Variants in ASCC3 observed in about 807,000 individuals in gnomAD.
The protein encoded by ASCC3 is ASC-1 complex subunit P200.
ASCC3 carries 158 observed loss-of-function variants against 256.3 expected under a neutral mutation model. The observed-to-expected ratio is 0.62, with a 90% CI of 0.54 to 0.70. The LOEUF is 0.70. ASCC3 is among the 30% of genes least tolerant of loss of function. The pLI is 0.00. For synonymous variants in ASCC3, 948 were observed against 883.4 expected, an observed-to-expected ratio of 1.07 and a Z score of -1.30; for missense variants, 2,259 against 2,626.0, an observed-to-expected ratio of 0.86 and a Z score of 3.05.
At chr6:100,694,767 A>G (rs986223135) in intron 13 of ASCC3, among the ~76,000 whole-genome samples, 10 of 152,176 alleles carry the variant, frequency 6.6e-5, no homozygotes, top group African/African-American at 2.2e-4. Context: ...GTAAATTATA[A>G]AAGTCCACAG....
intron 34 of ASCC3, among the ~76,000 whole-genome samples, chr6:100,599,056 T>C (rs1772457776): frequency 6.6e-6 from 1 of 152,150 alleles, no homozygotes; most frequent in South Asian, 2.1e-4. Flanking sequence ...AATTCAGTTT[T>C]GGACATGTTA....
intron 36 of ASCC3, among the ~76,000 whole-genome samples, chr6:100,571,400 C>T (rs9497783): frequency 0.025 from 3,877 of 152,212 alleles, 187 homozygotes; most frequent in African/African-American, 0.089. Flanking sequence ...GTGTTTTCCC[C>T]ATATCTCACT....
chr6:100,614,033 G>C (rs562294695), intron 30 of ASCC3, among the ~76,000 whole-genome samples: 1 of 152,084 alleles, frequency 6.6e-6, no homozygotes, highest in South Asian at 2.1e-4. Flanking sequence ...TGTAGGGTAA[G>C]ATATTAAAGA....
At chr6:100,631,395 C>A (rs991110557) in intron 25 of ASCC3, among the ~76,000 whole-genome samples, 182 bp from the exon 26 acceptor site, 1 of 151,484 alleles carries the variant, frequency 6.6e-6, no homozygotes, top group Admixed American at 6.6e-5. Flanking sequence ...CTACATTTAC[C>A]CAAAATAAGA....
Position 100,594,950 on chromosome 6 carries a change from A to C in ASCC3, c.5304-4891T>G, listed in dbSNP as rs549150503. ...CATTGAAATAAGGTAGGTAGTATGG[A>C]AAGACAAATACTGTATGATCTCACT... On this transcript the variant is annotated intron_variant, in intron 34 of 41. Coordinates refer to ENST00000369162, the MANE Select transcript of ASCC3 (RefSeq NM_006828.4). 1.6e-3 allele frequency among the ~76,000 whole-genome samples: 243 copies of C among 152,246 alleles called. 1 individual carries two copies. The highest frequency in any genetic ancestry group is 4.5e-3 in the Admixed American group (69 of 15,274).
chr6:100,795,540 T>G (rs200661759), intron 8 of ASCC3, among the ~76,000 whole-genome samples: 7 of 152,108 alleles, frequency 4.6e-5, no homozygotes, highest in African/African-American at 1.7e-4. Flanking sequence ...TTGCTTTGAC[T>G]TAGATTTCTA....
At chr6:100,699,519 C>T (rs1052238849) in intron 13 of ASCC3, among the ~76,000 whole-genome samples, 2 of 151,692 alleles carry the variant, frequency 1.3e-5, no homozygotes, top group Non-Finnish European at 2.9e-5. Context: ...TGGACTAATA[C>T]AGTAAATTTG....
chr6:100,594,378 T>C (rs1422633284), intron 34 of ASCC3, among the ~76,000 whole-genome samples: 1 of 152,120 alleles, frequency 6.6e-6, no homozygotes, highest in Non-Finnish European at 1.5e-5. Context: ...AATGTAAGTG[T>C]TTCATTAGAG....
chr6:100,618,472 C>T (rs930155565), intron 30 of ASCC3, among the ~76,000 whole-genome samples: 1 of 152,134 alleles, frequency 6.6e-6, no homozygotes, highest in East Asian at 1.9e-4. Flanking sequence ...ATCAAATGGG[C>T]AAAATAACCA....
intron 4 of ASCC3, among the ~76,000 whole-genome samples, chr6:100,822,518 C>T (rs1014350805): frequency 1.1e-4 from 16 of 139,702 alleles, no homozygotes; most frequent in Middle Eastern, 3.9e-3. Context: ...GCCTGGGCGA[C>T]GAGCAAGACT....
Position 100,803,741 on chromosome 6 carries a change from A to T in ASCC3, c.922+2019T>A, listed in dbSNP as rs898982259. Among the ~76,000 whole-genome samples, 3 of 152,320 alleles carry T rather than the reference A, an allele frequency of 2.0e-5. No homozygotes were observed. The East Asian group carries it at 5.8e-4, about 29-fold the overall frequency. On this transcript the variant is annotated intron_variant, in intron 5 of 41. Transcript: ENST00000369162. ...AGAACATGTATTAGTAATCAAGAGA[A>T]TCTGTAAGAAACAGAAAATCTGTCA...
In ASCC3 at chr6:100,731,607, T is replaced by C. The variant is rs185877507; in HGVS notation, c.1738-5904A>G. ...GTAAAGACAGTTTGCTGTTCACATG[T>C]GACTAATTTGTGGTAGCAACTTGTC... On this transcript the variant is annotated intron_variant, in intron 10 of 41. Transcript: ENST00000369162. Among the ~76,000 whole-genome samples the C allele has an allele frequency of 4.8e-3, 737 of 152,354 alleles. 9 individuals are homozygous for C. Among genetic ancestry groups the C allele is most frequent in the African/African-American group, 0.017 (714 of 41,578 alleles).
intron 26 of ASCC3, among the ~76,000 whole-genome samples, chr6:100,630,095 G>A (rs371976251): frequency 3.3e-5 from 5 of 151,692 alleles, no homozygotes; most frequent in South Asian, 2.1e-4. Context: ...TCACTATGTC[G>A]GCCAGGCTGG....
chr6:100,605,530 T>C, intron 33 of ASCC3, 38 bp downstream of exon 33: 1 of 1,394,834 alleles, frequency 7.2e-7, no homozygotes, highest in Non-Finnish European at 1.0e-6. Flanking sequence ...AACTTGTGAT[T>C]AAATAAATCC....
intron 37 of ASCC3, among the ~76,000 whole-genome samples, chr6:100,536,231 A>G (rs1362505859): frequency 6.6e-6 from 1 of 152,208 alleles, no homozygotes; most frequent in Admixed American, 6.5e-5. Flanking sequence ...CAATAGTGTT[A>G]TACCTTACAG....
At chr6:100,539,509 C>CT (rs924594265) in intron 37 of ASCC3, among the ~76,000 whole-genome samples, 7 of 151,878 alleles carry the variant, frequency 4.6e-5, no homozygotes, top group East Asian at 3.9e-4. Flanking sequence ...ATACTTCTCA[C>CT]TTTTTTTTAT....
intron 32 of ASCC3, among the ~76,000 whole-genome samples, chr6:100,606,247 G>A (rs1772881571): frequency 6.6e-6 from 1 of 152,096 alleles, no homozygotes; most frequent in Non-Finnish European, 1.5e-5. Context: ...TACATTGAGT[G>A]TATTTCCCTT....
At chr6:100,564,144 T>C (rs1465669113) in intron 36 of ASCC3, among the ~76,000 whole-genome samples, 3 of 151,966 alleles carry the variant, frequency 2.0e-5, no homozygotes, top group East Asian at 3.9e-4. Context: ...ATTCATGGGG[T>C]ACATGTGTTT....
intron 37 of ASCC3, among the ~76,000 whole-genome samples, chr6:100,520,076 T>C (rs1774226017): frequency 6.6e-6 from 1 of 152,164 alleles, no homozygotes; most frequent in Non-Finnish European, 1.5e-5. Context: ...TCTTGTTCTC[T>C]TTGCCCCCAC....
Sources: gnomAD v4.1 joint callset for allele counts (sites outside exome capture counted in the v4.1 genomes callset) on GRCh38, gnomAD v4.1.1 for gene constraint, MANE v1.5 for transcripts, NCBI Gene and HGNC (gene_info 2026-07-23, HGNC 2026-07-21) for gene names.